The following CACUL1 variants were observed in gnomAD, a reference collection of about 807,000 sequenced individuals.
CACUL1 encodes the protein CDK2 associated cullin domain 1.
Under a neutral mutation model 45.2 loss-of-function variants are expected in CACUL1, and 13 were observed. The observed-to-expected ratio is 0.29, with a 90% CI of 0.19 to 0.46. CACUL1 has a LOEUF of 0.46. CACUL1 is among the 20% of genes least tolerant of loss of function. CACUL1 has a pLI of 1.00. For missense variants in CACUL1, 421 were observed against 471.4 expected (o/e 0.89, Z 0.99); for synonymous variants, 197 against 174.2 (o/e 1.13, Z -1.03).
chr10:118,722,455 T>C (rs1845610279), intron 3 of CACUL1, among the ~76,000 whole-genome samples: 1 of 152,100 alleles, frequency 6.6e-6, no homozygotes, highest in Non-Finnish European at 1.5e-5. Context: ...ACCATCCAGC[T>C]CCATCCTGCC....
At chr10:118,699,251 A>G (rs760445277) in intron 5 of CACUL1, among the ~76,000 whole-genome samples, 1 of 152,204 alleles carries the variant, frequency 6.6e-6, no homozygotes, top group Non-Finnish European at 1.5e-5. Flanking sequence ...CAACTGCTCA[A>G]TAAGTATCTG....
intron 3 of CACUL1, among the ~76,000 whole-genome samples, chr10:118,713,802 T>G (rs1845515831): frequency 6.6e-6 from 1 of 152,222 alleles, no homozygotes; most frequent in Admixed American, 6.5e-5. Context: ...CCTGCAACTT[T>G]CCCTAACAAT....
intron 1 of CACUL1, among the ~76,000 whole-genome samples, chr10:118,747,555 C>G (rs1230960630): frequency 1.8e-4 from 21 of 119,566 alleles, no homozygotes; most frequent in African/African-American, 6.4e-4. Flanking sequence ...AAAAAAAAGA[C>G]TACTTTGGGA....
intron 1 of CACUL1, among the ~76,000 whole-genome samples, chr10:118,741,720 C>T (rs1343283547): frequency 1.3e-5 from 2 of 152,256 alleles, no homozygotes; most frequent in African/African-American, 2.4e-5. Flanking sequence ...AGCCCCTAGA[C>T]CTCCACTCTC....
intron 1 of CACUL1, among the ~76,000 whole-genome samples, chr10:118,744,330 G>A (rs1161825194): frequency 6.6e-6 from 1 of 152,086 alleles, no homozygotes; most frequent in Non-Finnish European, 1.5e-5. Context: ...AGGTTGTGGT[G>A]AGCTGAGATC....
At position 118,680,441 on chromosome 10, in the gene CACUL1, G is replaced by A. The variant is rs1240226827; in HGVS notation, c.*5687C>T. On this transcript the variant is annotated 3_prime_UTR_variant, in exon 9 of 9. Coordinates refer to ENST00000369151, the MANE Select transcript of CACUL1 (RefSeq NM_153810.5). ...CAACAGAGCTGAGGTCAAAAAAATG[G>A]AAGGGATGAGAACTGGCATTCTGAC... The A allele has an allele frequency of 2.0e-5, 3 of 152,204 alleles. No homozygotes were observed. Among genetic ancestry groups the A allele is most frequent in the African/African-American group, 7.2e-5 (3 of 41,452 alleles). The allele number at this position is 152,204 out of a possible 1,614,324, so 9.4% of individuals were successfully genotyped here.
chr10:118,684,306 T>A lies in CACUL1; in HGVS notation c.*1822A>T, dbSNP rs1392402653. 1 of 152,498 alleles carries A rather than the reference T, an allele frequency of 6.6e-6. No individual in the cohort carries two copies. The highest frequency in any genetic ancestry group is 1.5e-5 in the Non-Finnish European group (1 of 68,040). The allele number at this position is 152,498 out of a possible 1,614,324, so 9.4% of individuals were successfully genotyped here. A position where few individuals can be genotyped will look rare whatever the true frequency, so the allele number is the denominator to read the frequency against. On this transcript the variant is annotated 3_prime_UTR_variant, in exon 9 of 9. Transcript: ENST00000369151. ...ATTATTAATACCACTCACTCAGACTTCAGTTCTAGGTGTGATTGGTAAGCC... is the reference window on the plus strand; with the variant it reads ...ATTATTAATACCACTCACTCAGACTACAGTTCTAGGTGTGATTGGTAAGCC...
intron 3 of CACUL1, among the ~76,000 whole-genome samples, chr10:118,723,011 C>G (rs1845615847): frequency 6.6e-6 from 1 of 152,206 alleles, no homozygotes; most frequent in Non-Finnish European, 1.5e-5. Context: ...TGCCTCTGAG[C>G]TGCTACTCTA....
In CACUL1 at chr10:118,679,603, C is replaced by G. The variant is rs1296992293; in HGVS notation, c.*6525G>C. The stretch of plus-strand genomic sequence containing the variant: ...GTGCAATCTTGGTTCACTGAAACCT[C>G]TGCCTCCTGGGTTCAGGCGATTTTC... On this transcript the variant is annotated 3_prime_UTR_variant, in exon 9 of 9. Transcript: ENST00000369151. 1 of 152,104 alleles carries G rather than the reference C, an allele frequency of 6.6e-6. No homozygotes were observed. The highest frequency in any genetic ancestry group is 1.5e-5 in the Non-Finnish European group (1 of 68,066). 9.4% of individuals were successfully genotyped at this position (152,104 alleles called of 1,614,324 possible). A position where few individuals can be genotyped will look rare whatever the true frequency, so the allele number is the denominator to read the frequency against.
At chr10:118,750,943 A>G (rs929879113) in intron 1 of CACUL1, among the ~76,000 whole-genome samples, 43 of 152,358 alleles carry the variant, frequency 2.8e-4, no homozygotes, top group African/African-American at 1.0e-3. Flanking sequence ...AAAATGCGGT[A>G]CCATCACCTC....
chr10:118,701,246 A>G, intron 5 of CACUL1, 60 bp downstream of exon 5: 1 of 1,011,298 alleles, frequency 9.9e-7, no homozygotes, highest in Non-Finnish European at 1.4e-6. Context: ...GACCAAAAAA[A>G]AAAGAAAAAG....
At chr10:118,746,310 T>C (rs749345570) in intron 1 of CACUL1, among the ~76,000 whole-genome samples, 6 of 152,182 alleles carry the variant, frequency 3.9e-5, no homozygotes, top group Non-Finnish European at 8.8e-5. Flanking sequence ...CGCCCACACA[T>C]ACATGGTCAG....
chr10:118,714,214 C>CT (rs1289097515), intron 3 of CACUL1, among the ~76,000 whole-genome samples: 2 of 152,140 alleles, frequency 1.3e-5, no homozygotes, highest in Non-Finnish European at 2.9e-5. Context: ...GTTTTGTACT[C>CT]TATTCCATTA....
rs187150516 is a variant in CACUL1, at chr10:118,739,065, G to A, written c.368-8655C>T. On this transcript the variant is annotated intron_variant, in intron 1 of 8. Coordinates refer to ENST00000369151, the MANE Select transcript of CACUL1 (RefSeq NM_153810.5). ...AAAAAAAATAGCTGGGCATGGTGGC[G>A]GGCACCTGTATTCCCAGCTACTCGG... Among the ~76,000 whole-genome samples the A allele has an allele frequency of 2.7e-4, 41 of 151,758 alleles. No individual in the cohort carries two copies. In the East Asian group the frequency reaches 7.0e-3, roughly 26 times the overall value.
intron 1 of CACUL1, among the ~76,000 whole-genome samples, chr10:118,730,963 A>G (rs1035441389): frequency 7.9e-5 from 12 of 152,178 alleles, no homozygotes; most frequent in African/African-American, 2.9e-4. Context: ...CATCATTACT[A>G]CAGCTCCAAC....
At chr10:118,689,355 T>A (rs562039204) in intron 7 of CACUL1, among the ~76,000 whole-genome samples, 1 of 152,336 alleles carries the variant, frequency 6.6e-6, no homozygotes, top group African/African-American at 2.4e-5. Flanking sequence ...AAAGCACCTG[T>A]CAGAATACTT....
intron 1 of CACUL1, 109 bp from the exon 2 acceptor site, chr10:118,730,519 C>T: frequency 9.6e-7 from 1 of 1,037,790 alleles, no homozygotes; most frequent in Non-Finnish European, 1.4e-6. Flanking sequence ...TCTGATTTTA[C>T]ACTGACACTC....
At chr10:118,698,070 T>G (rs1845339461) in intron 5 of CACUL1, among the ~76,000 whole-genome samples, 1 of 152,090 alleles carries the variant, frequency 6.6e-6, no homozygotes, top group South Asian at 2.1e-4. Context: ...GATTCTTTAT[T>G]AACAGACAGT....
chr10:118,738,998 C>CCA (rs1845766800), intron 1 of CACUL1, among the ~76,000 whole-genome samples: 1 of 148,822 alleles, frequency 6.7e-6, no homozygotes, highest in Non-Finnish European at 1.5e-5. Flanking sequence ...GAGATAGAGT[C>CCA]TCCTGGCTAA....
Sources: allele counts gnomAD v4.1 joint callset (sites outside exome capture counted in the v4.1 genomes callset), GRCh38; gene constraint gnomAD v4.1.1; transcripts MANE v1.5; gene names NCBI Gene and HGNC (gene_info 2026-07-23, HGNC 2026-07-21).